The following RASAL2 variants were observed in gnomAD, a reference collection of about 807,000 sequenced individuals.
RASAL2 encodes the protein ras GTPase-activating protein nGAP.
RASAL2 carries 58 observed loss-of-function variants against 128.9 expected under a neutral mutation model. The ratio of observed to expected loss-of-function variants is 0.45; its 90% CI spans 0.36 to 0.56. RASAL2 has a LOEUF of 0.56. RASAL2 is among the 20% of genes least tolerant of loss of function. The probability of loss-of-function intolerance (pLI) is 0.00; values close to 1 mark genes in which losing one functional copy is unlikely to be tolerated. For missense variants in RASAL2, 1,360 were observed against 1,601.6 expected, an observed-to-expected ratio of 0.85 and a Z score of 2.57; for synonymous variants, 561 against 580.8, an observed-to-expected ratio of 0.97 and a Z score of 0.49.
intron 1 of RASAL2, among the ~76,000 whole-genome samples, chr1:178,176,731 A>T (rs1282371884): frequency 1.3e-5 from 2 of 151,738 alleles, no homozygotes; most frequent in African/African-American, 4.8e-5. Context: ...CTGTAACCTC[A>T]AACTCCCGTG....
chr1:178,095,103 A>G (rs1344560306), intron 1 of RASAL2, among the ~76,000 whole-genome samples: 3 of 152,248 alleles, frequency 2.0e-5, no homozygotes, highest in African/African-American at 7.2e-5. Context: ...ATGAAAAAGC[A>G]GAGGATAAGC....
intron 3 of RASAL2, among the ~76,000 whole-genome samples, chr1:178,365,041 T>C (rs1336933310): frequency 2.0e-5 from 3 of 150,750 alleles, no homozygotes; most frequent in Non-Finnish European, 4.4e-5. Flanking sequence ...ACATGTTTTA[T>C]AATACTGTTG....
chr1:178,407,841 C>T (rs1229987384), intron 4 of RASAL2, among the ~76,000 whole-genome samples: 1 of 152,170 alleles, frequency 6.6e-6, no homozygotes, highest in Non-Finnish European at 1.5e-5. Context: ...TTATTACCCC[C>T]ACGGAGGCTT....
chr1:178,182,857 G>A (rs1662162446), intron 1 of RASAL2, among the ~76,000 whole-genome samples: 1 of 150,842 alleles, frequency 6.6e-6, no homozygotes, highest in Non-Finnish European at 1.5e-5. Context: ...TGGGGTGGGG[G>A]TGGGTAGGTG....
At chr1:178,207,493 C>T (rs570712147) in intron 1 of RASAL2, among the ~76,000 whole-genome samples, 242 of 152,156 alleles carry the variant, frequency 1.6e-3, no homozygotes, top group Non-Finnish European at 2.8e-3. Context: ...GCAAATACTA[C>T]GACATTTTAT....
chr1:178,435,295 G>T (rs1676183562), intron 5 of RASAL2, among the ~76,000 whole-genome samples: 1 of 152,146 alleles, frequency 6.6e-6, no homozygotes, highest in Non-Finnish European at 1.5e-5. Context: ...TGGGGGAAAT[G>T]TGGCATTCTG....
chr1:178,296,350 G>C (rs1571803413), intron 2 of RASAL2, among the ~76,000 whole-genome samples: 1 of 151,972 alleles, frequency 6.6e-6, no homozygotes, highest in South Asian at 2.1e-4. Context: ...TGAAATTAAA[G>C]TGCTCGGTTT....
At chr1:178,395,496 T>TA (rs1283979966) in intron 4 of RASAL2, among the ~76,000 whole-genome samples, 1 of 152,152 alleles carries the variant, frequency 6.6e-6, no homozygotes, top group Non-Finnish European at 1.5e-5. Context: ...ATGACCAATG[T>TA]AAATTTACAA....
At chr1:178,376,523 G>A (rs923580354) in intron 3 of RASAL2, among the ~76,000 whole-genome samples, 2 of 152,052 alleles carry the variant, frequency 1.3e-5, no homozygotes, top group Admixed American at 1.3e-4. Flanking sequence ...TAAAAGCATA[G>A]GATTAACCTT....
chr1:178,466,149 G>A (rs1247234527), intron 16 of RASAL2, 27 bp downstream of exon 16: 1 of 1,515,774 alleles, frequency 6.6e-7, no homozygotes, highest in African/African-American at 1.4e-5. Flanking sequence ...CAGCAGATGT[G>A]GGCTAGTTAG....
intron 1 of RASAL2, among the ~76,000 whole-genome samples, chr1:178,277,147 C>CAAAAA (rs61384367): frequency 5.4e-5 from 3 of 55,106 alleles, no homozygotes; most frequent in Non-Finnish European, 7.1e-5. Context: ...GATTCCCTCT[C>CAAAAA]AAAAAAAAAA....
chr1:178,132,046 C>T (rs1660138502), intron 1 of RASAL2, among the ~76,000 whole-genome samples: 1 of 151,868 alleles, frequency 6.6e-6, no homozygotes, highest in South Asian at 2.1e-4. Flanking sequence ...TCCCTTCCCT[C>T]TTTCTCTTCC....
chr1:178,231,846 T>G (rs1664021992), intron 1 of RASAL2, among the ~76,000 whole-genome samples: 1 of 152,170 alleles, frequency 6.6e-6, no homozygotes, highest in South Asian at 2.1e-4. Flanking sequence ...TTTGATATGT[T>G]TTTGAGAAAG....
At chr1:178,350,404 G>A (rs1266949486) in intron 3 of RASAL2, among the ~76,000 whole-genome samples, 1 of 152,038 alleles carries the variant, frequency 6.6e-6, no homozygotes, top group Admixed American at 6.6e-5. Flanking sequence ...GTTTTGTTTT[G>A]TTTTGTTTTT....
intron 3 of RASAL2, among the ~76,000 whole-genome samples, chr1:178,322,877 C>G (rs1668858467): frequency 6.6e-6 from 1 of 151,988 alleles, no homozygotes; most frequent in African/African-American, 2.4e-5. Flanking sequence ...TTCTTTTTAC[C>G]CACCACAGGT....
chr1:178,127,652 C>T (rs182537900), intron 1 of RASAL2, among the ~76,000 whole-genome samples: 22 of 152,102 alleles, frequency 1.4e-4, no homozygotes, highest in Non-Finnish European at 1.8e-4. Context: ...AACTTTGTTA[C>T]TTTTAGGCTG....
intron 2 of RASAL2, among the ~76,000 whole-genome samples, chr1:178,289,147 ACT>A: frequency 6.6e-6 from 1 of 152,132 alleles, no homozygotes; most frequent in Non-Finnish European, 1.5e-5. Context: ...TGTTAAGCTC[ACT>A]AGTGACCTTC....
At chr1:178,143,145 GTAATGTATGTTTATTTA>G (rs1165983258) in intron 1 of RASAL2, among the ~76,000 whole-genome samples, 1 of 151,716 alleles carries the variant, frequency 6.6e-6, no homozygotes, top group Non-Finnish European at 1.5e-5. Context: ...TATCATAGAT[GTAATGTATGTTTATTTA>G]TAATGTATAT....
At chr1:178,452,730 G>T in intron 11 of RASAL2, 78 bp downstream of exon 11, 2 of 1,169,516 alleles carry the variant, frequency 1.7e-6, no homozygotes, top group Non-Finnish European at 2.5e-6. Flanking sequence ...TGAGGGTTGG[G>T]AGCCTCATCA....
Sources: gnomAD v4.1 joint callset for allele counts (sites outside exome capture counted in the v4.1 genomes callset) on GRCh38, gnomAD v4.1.1 for gene constraint, MANE v1.5 for transcripts, NCBI Gene and HGNC (gene_info 2026-07-23, HGNC 2026-07-21) for gene names.